TP63: variants seen among roughly 807,000 people sequenced by gnomAD.
The protein encoded by TP63 is tumor protein p63.
TP63 carries 17 observed loss-of-function variants against 82.8 expected under a neutral mutation model. The ratio of observed to expected loss-of-function variants is 0.21; its 90% CI spans 0.14 to 0.31. The LOEUF is 0.31. Ranked by LOEUF, TP63 falls within the 10% of genes least tolerant of loss-of-function variation. The probability of loss-of-function intolerance (pLI) is 1.00; values close to 1 mark genes in which losing one functional copy is unlikely to be tolerated. For missense variants in TP63, 648 were observed against 895.3 expected (o/e 0.72, Z 3.52); for synonymous variants, 330 against 321.7 (o/e 1.03, Z -0.28).
intron 4 of TP63, among the ~76,000 whole-genome samples, chr3:189,813,712 A>G (rs1050417573): frequency 1.3e-5 from 2 of 152,148 alleles, no homozygotes; most frequent in African/African-American, 2.4e-5. Flanking sequence ...ATTGACCTCA[A>G]GGTCTTGTAT....
intron 3 of TP63, among the ~76,000 whole-genome samples, chr3:189,757,683 T>C (rs914751374): frequency 6.6e-5 from 10 of 152,174 alleles, no homozygotes; most frequent in African/African-American, 2.2e-4. Flanking sequence ...TACACTAGTG[T>C]TATTGTAGGT....
chr3:189,775,262 A>T (rs1016491784), intron 3 of TP63, among the ~76,000 whole-genome samples: 53 of 151,412 alleles, frequency 3.5e-4, no homozygotes, highest in Non-Finnish European at 6.9e-4. Context: ...AAAGAAAAAA[A>T]TTGACTTGTA....
the TP63 span, among the ~76,000 whole-genome samples, chr3:189,622,840 G>A: frequency 6.6e-6 from 1 of 152,118 alleles, no homozygotes; most frequent in Non-Finnish European, 1.5e-5. Flanking sequence ...ACTTGTTCTA[G>A]CCATCTACTT....
intron 3 of TP63, among the ~76,000 whole-genome samples, chr3:189,765,433 C>CTTTTTTTTTTTTTTTTTTTTGTTTTTT (rs1722877926): frequency 3.3e-5 from 1 of 30,088 alleles, no homozygotes; most frequent in African/African-American, 1.2e-4. Flanking sequence ...CTGTCCTCTG[C>CTTTTTTTTTTTTTTTTTTTTGTTTTTT]TTTTTTTTTT....
intron 4 of TP63, among the ~76,000 whole-genome samples, chr3:189,853,620 C>T (rs1715924819): frequency 6.6e-6 from 1 of 152,178 alleles, no homozygotes; most frequent in Admixed American, 6.5e-5. Context: ...ACACTCACTC[C>T]CCTGACTCTT....
intron 3 of TP63, among the ~76,000 whole-genome samples, chr3:189,794,841 T>C (rs1287678061): frequency 6.6e-6 from 1 of 152,068 alleles, no homozygotes; most frequent in Admixed American, 6.6e-5. Context: ...GCACATTGGC[T>C]GCCTGTTTTG....
intron 1 of TP63, among the ~76,000 whole-genome samples, chr3:189,711,528 G>T (rs1201371014): frequency 6.6e-6 from 1 of 152,156 alleles, no homozygotes; most frequent in Non-Finnish European, 1.5e-5. Flanking sequence ...TTACCTGGAG[G>T]ATTGGAGACA....
At chr3:189,830,935 A>G (rs756794216) in intron 4 of TP63, among the ~76,000 whole-genome samples, 2 of 152,218 alleles carry the variant, frequency 1.3e-5, no homozygotes, top group African/African-American at 2.4e-5. Flanking sequence ...GGATTATTTA[A>G]GGTTTGCAAA....
chr3:189,824,908 G>A (rs1024744404), intron 4 of TP63, among the ~76,000 whole-genome samples: 8 of 151,934 alleles, frequency 5.3e-5, no homozygotes, highest in Admixed American at 2.6e-4. Context: ...AGCAAACTGA[G>A]CTATCATCAG....
At chr3:189,689,104 CT>C (rs776704674) in intron 1 of TP63, among the ~76,000 whole-genome samples, 767 of 68,180 alleles carry the variant, frequency 0.011, no homozygotes, top group African/African-American at 0.045. Context: ...CTACCTTTTT[CT>C]TTTTTTTTTT....
At chr3:189,827,354 C>G (rs183174017) in intron 4 of TP63, among the ~76,000 whole-genome samples, 4 of 152,160 alleles carry the variant, frequency 2.6e-5, no homozygotes, top group Admixed American at 2.0e-4. Flanking sequence ...GATACCCACC[C>G]CCCACCAGCT....
At chr3:189,730,601 C>A (rs1343869266) in intron 1 of TP63, among the ~76,000 whole-genome samples, 1 of 152,296 alleles carries the variant, frequency 6.6e-6, no homozygotes, top group African/African-American at 2.4e-5. Context: ...CCTTGCTGAA[C>A]GTAAAGATCA....
At chr3:189,844,112 G>T in intron 4 of TP63, 1 of 293,234 alleles carries the variant, frequency 3.4e-6, no homozygotes, top group Non-Finnish European at 6.9e-6. Flanking sequence ...AGAACACATT[G>T]ACCTGATGTT....
chr3:189,808,346 C>T lies in TP63; in HGVS notation c.399C>T (p.Pro133=), dbSNP rs145730343. The T allele has an allele frequency of 3.0e-4, 487 of 1,614,232 alleles. 2 individuals carry two copies. The African/African-American group carries it at 6.0e-3, about 20-fold the overall frequency. Residue 133 remains proline (P), a synonymous_variant, in exon 4 of 14, where the codon CCC becomes CCT. Transcript: ENST00000264731. ...QIQNGSSSTS[P]YNTDHAQNSV... ...AGAACGGCTCCTCGTCCACCAGTCC[C>T]TATAACACAGACCACGCGCAGAACA...
intron 4 of TP63, among the ~76,000 whole-genome samples, chr3:189,820,702 T>C (rs1000932423): frequency 3.3e-5 from 5 of 152,230 alleles, no homozygotes; most frequent in African/African-American, 1.2e-4. Context: ...TTTGTAGCTC[T>C]GATGGTATAT....
the TP63 span, among the ~76,000 whole-genome samples, chr3:189,613,226 G>A: frequency 2.6e-5 from 4 of 152,218 alleles, no homozygotes; most frequent in Admixed American, 1.3e-4. Context: ...CCTGGCCTGG[G>A]CCCAGGGTCC....
At chr3:189,652,650 A>C (rs1712994478) in intron 1 of TP63, among the ~76,000 whole-genome samples, 1 of 146,562 alleles carries the variant, frequency 6.8e-6, no homozygotes, top group Admixed American at 6.7e-5. Flanking sequence ...GGCACAGTGC[A>C]GAATGATATG....
chr3:189,874,675 C>T (rs1577165216), intron 10 of TP63, among the ~76,000 whole-genome samples: 1 of 152,154 alleles, frequency 6.6e-6, no homozygotes, highest in Non-Finnish European at 1.5e-5. Context: ...GACACAATTT[C>T]CATTGCTAAT....
intron 1 of TP63, among the ~76,000 whole-genome samples, chr3:189,719,859 A>G (rs986903630): frequency 6.6e-6 from 1 of 152,210 alleles, no homozygotes; most frequent in African/African-American, 2.4e-5. Flanking sequence ...AAATGTAGAT[A>G]AAGCCTGGGT....
Sources: gnomAD v4.1 joint callset for allele counts (sites outside exome capture counted in the v4.1 genomes callset) on GRCh38, gnomAD v4.1.1 for gene constraint, MANE v1.5 for transcripts, NCBI Gene and HGNC (gene_info 2026-07-23, HGNC 2026-07-21) for gene names.